KCTD7: variants seen among roughly 807,000 people sequenced by gnomAD.
KCTD7 encodes the protein BTB/POZ domain-containing protein KCTD7.
Under a neutral mutation model 27.0 loss-of-function variants are expected in KCTD7, and 15 were observed. That is an observed-to-expected ratio of 0.56 (90% CI 0.37 to 0.86). The LOEUF is 0.86. KCTD7 is among the 40% of genes least tolerant of loss of function. The probability of loss-of-function intolerance (pLI) is 0.00; values close to 1 mark genes in which losing one functional copy is unlikely to be tolerated. For missense variants in KCTD7, 299 were observed against 398.9 expected (o/e 0.75, Z 2.13); for synonymous variants, 159 against 162.7 (o/e 0.98, Z 0.17).
chr7:66,630,425 A>G (rs1332305466), intron 1 of KCTD7, among the ~76,000 whole-genome samples: 6 of 152,182 alleles, frequency 3.9e-5, no homozygotes, highest in Admixed American at 1.3e-4. Flanking sequence ...CATCTCTACA[A>G]ATAAAAAATA....
intron 1 of KCTD7, among the ~76,000 whole-genome samples, chr7:66,632,488 CAAAAA>C (rs79868578): frequency 1.9e-5 from 1 of 52,612 alleles, no homozygotes. Flanking sequence ...GACTCCGTCT[CAAAAA>C]AAAAAAAAAA....
In KCTD7 at chr7:66,633,457, C is replaced by T. The variant is rs1786503027; in HGVS notation, c.314+13C>T. On this transcript the variant is annotated intron_variant, in intron 2 of 3. Transcript: ENST00000639828. ...GCACACACTTTGGGTATGTCTCTCCCTCTACAATCAACTTTGTAGTCCTAG... is the reference window on the plus strand; with the variant it reads ...GCACACACTTTGGGTATGTCTCTCCTTCTACAATCAACTTTGTAGTCCTAG... 1 of 1,613,840 alleles carries T rather than the reference C, an allele frequency of 6.2e-7. No individual in the cohort carries two copies.
rs527358165 is a variant in KCTD7, at chr7:66,632,304, G to A, written c.145-971G>A. 6.7e-4 allele frequency among the ~76,000 whole-genome samples: 101 copies of A among 150,492 alleles called. 1 individual carries two copies. Among genetic ancestry groups the A allele is most frequent in the Middle Eastern group, 3.4e-3 (1 of 292 alleles). On this transcript the variant is annotated intron_variant, in intron 1 of 3. Transcript: ENST00000639828. The stretch of plus-strand genomic sequence containing the variant: ...AGATCGAGACAATCCTGGCTAACAC[G>A]GTGAAACCCTATCTCTACTAAAAAT...
rs930526100 is a variant in KCTD7, at chr7:66,633,259, G to C, written c.145-16G>C. ...TCCCCGTTGCCTGCCTGAGAGCCCT[G>C]GTGATTTCTTTCCAGTTTCCTGAGG... is the stretch of plus-strand genomic sequence containing the variant. On this transcript the variant is annotated splice_polypyrimidine_tract_variant and intron_variant, in intron 1 of 3. Coordinates refer to ENST00000639828, the MANE Select transcript of KCTD7 (RefSeq NM_153033.5). 2.5e-6 allele frequency: 4 copies of C among 1,613,546 alleles called. No homozygotes were observed. In the Admixed American group the frequency reaches 5.0e-5, roughly 20 times the overall value.
At chr7:66,633,186 C>A in intron 1 of KCTD7, 89 bp from the exon 2 acceptor site, 1 of 1,343,872 alleles carries the variant, frequency 7.4e-7, no homozygotes, top group Non-Finnish European at 1.1e-6. Context: ...AATGGTGTGG[C>A]ACCAATCAGA....
chr7:66,636,366 C>T (rs1443423298), intron 2 of KCTD7, among the ~76,000 whole-genome samples: 1 of 151,930 alleles, frequency 6.6e-6, no homozygotes, highest in Non-Finnish European at 1.5e-5. Flanking sequence ...CAAGCATGTT[C>T]CTGAACCTGT....
At chr7:66,643,171 A>G, downstream of KCTD7, 1 of 985,222 alleles carries the variant, frequency 1.0e-6, no homozygotes, top group Non-Finnish European at 1.2e-6. Flanking sequence ...CCCACACAAC[A>G]AGACAGGCTT....
rs749010969 is a variant in KCTD7, at chr7:66,633,388, C to T, written c.258C>T (p.Tyr86=). 5 of 1,614,028 alleles carry T rather than the reference C, an allele frequency of 3.1e-6. No individual in the cohort carries two copies. The highest frequency in any genetic ancestry group is 2.2e-5 in the South Asian group (2 of 91,082). The change falls in exon 2 of 4, where the codon TAC becomes TAT. Residue 86 remains tyrosine (Y), a synonymous_variant. Transcript: ENST00000639828. ...MLAAMFSGRH[Y]IPTDSEGRYF... is the part of the protein sequence containing the mutation. ...CAGCCATGTTCAGTGGGCGGCACTA[C>T]ATCCCCACGGACTCCGAGGGCCGGT...
intron 3 of KCTD7, 101 bp from the exon 4 acceptor site, chr7:66,638,755 C>G: frequency 7.0e-7 from 1 of 1,435,562 alleles, no homozygotes; most frequent in Non-Finnish European, 9.6e-7. Flanking sequence ...CTGTCTTTCC[C>G]CTCCTGCATC....
Position 66,639,155 on chromosome 7 carries a change from G to A in KCTD7, c.793G>A (p.Gly265Arg), listed in dbSNP as rs200415747. ...TCTCACCGTGGACCACCAGTGCATCGGGGTGTGTGACAAGCACCTCGTGAA... is the reference window on the plus strand; with the variant it reads ...TCTCACCGTGGACCACCAGTGCATCAGGGTGTGTGACAAGCACCTCGTGAA... Reference protein sequence around the residue: ...QGLTVDHQCIGVCDKHLVNHY... With the variant: ...QGLTVDHQCIRVCDKHLVNHY... Residue 265 changes from glycine to arginine, a missense_variant, in exon 4 of 4, where the codon GGG (glycine) becomes AGG (arginine). Coordinates refer to ENST00000639828, the MANE Select transcript of KCTD7 (RefSeq NM_153033.5). The A allele has an allele frequency of 3.7e-6, 6 of 1,614,090 alleles. No homozygotes were observed. Among genetic ancestry groups the A allele is most frequent in the Non-Finnish European group, 5.1e-6 (6 of 1,180,030 alleles).
At chr7:66,629,484 T>C (rs549329614) in intron 1 of KCTD7, among the ~76,000 whole-genome samples, 2 of 149,318 alleles carry the variant, frequency 1.3e-5, no homozygotes, top group Admixed American at 1.3e-4. Context: ...CATCGCCATG[T>C]CCCACTTTTA....
chr7:66,638,822 A>G (rs2116774913), intron 3 of KCTD7, 34 bp from the exon 4 acceptor site: 7 of 1,612,896 alleles, frequency 4.3e-6, no homozygotes, highest in Non-Finnish European at 5.9e-6. Flanking sequence ...CTGCCTCTTC[A>G]CCCTAGTGAT....
rs777567549 is a variant in KCTD7 at position 66,629,017 on chromosome 7, G to A, written c.-48G>A. On this transcript the variant is annotated 5_prime_UTR_variant, in exon 1 of 4. Coordinates refer to ENST00000639828, the MANE Select transcript of KCTD7 (RefSeq NM_153033.5). ...TCGGCGGTAGGGAGTGCCCGGGGCC[G>A]CCGCCTCCGCCCGCCCGAAGCCGCG... is the stretch of plus-strand genomic sequence containing the variant. The A allele has an allele frequency of 2.7e-6, 4 of 1,474,058 alleles. No homozygotes were observed. Among genetic ancestry groups the A allele is most frequent in the South Asian group, 2.6e-5 (2 of 77,912 alleles). 91.3% of individuals were successfully genotyped at this position (1,474,058 alleles called of 1,614,324 possible).
At chr7:66,632,604 A>G (rs1786477943) in intron 1 of KCTD7, among the ~76,000 whole-genome samples, 1 of 152,104 alleles carries the variant, frequency 6.6e-6, no homozygotes. Context: ...ATATAGACAG[A>G]AGAAGGAGAC....
chr7:66,636,656 C>A (rs1248533314), intron 2 of KCTD7, among the ~76,000 whole-genome samples: 2 of 151,958 alleles, frequency 1.3e-5, no homozygotes, highest in Admixed American at 6.6e-5. Context: ...ACCTATGGTC[C>A]CAGTTATTCG....
chr7:66,639,853 A>C lies in KCTD7; in HGVS notation c.*621A>C, dbSNP rs1786673416. ...TTCACCACCTTTTGGAGATTTAACC[A>C]TAGCTGCCAAAGCTATGCACCCAGT... On this transcript the variant is annotated 3_prime_UTR_variant, in exon 4 of 4. Transcript: ENST00000639828. 1 of 1,247,568 alleles carries C rather than the reference A, an allele frequency of 8.0e-7. No homozygotes were observed. The highest frequency in any genetic ancestry group is 3.8e-5 in the Admixed American group (1 of 26,332). 77.3% of individuals were successfully genotyped at this position (1,247,568 alleles called of 1,614,324 possible).
At position 66,638,403 on chromosome 7, in the gene KCTD7, G is replaced by T. The variant is rs773209661; in HGVS notation, c.465G>T (p.Ala155=). ...QPLKGEKVRQ[A]FLGLMPYYKD... is the part of the protein sequence containing the mutation. ...TGAAGGGCGAGAAGGTGCGCCAAGCGTTTCTGGGACTCATGCCCTATTACA... is the reference window on the plus strand; with the variant it reads ...TGAAGGGCGAGAAGGTGCGCCAAGCTTTTCTGGGACTCATGCCCTATTACA... The change falls in exon 3 of 4, where the codon GCG becomes GCT. Residue 155 remains alanine, a synonymous_variant. Transcript: ENST00000639828. The T allele has an allele frequency of 1.2e-6, 2 of 1,614,212 alleles. No individual in the cohort carries two copies. The highest frequency in any genetic ancestry group is 1.7e-6 in the Non-Finnish European group (2 of 1,180,040).
chr7:66,630,375 G>A (rs1786418204), intron 1 of KCTD7, among the ~76,000 whole-genome samples: 1 of 152,218 alleles, frequency 6.6e-6, no homozygotes, highest in Non-Finnish European at 1.5e-5. Flanking sequence ...AGGATGGTTT[G>A]AGGCCAGGAG....
In KCTD7 at chr7:66,629,228, G is replaced by C. The variant is rs757910819; in HGVS notation, c.144+20G>C. The C allele has an allele frequency of 7.6e-7, 1 of 1,324,166 alleles. No homozygotes were observed. Among genetic ancestry groups the C allele is most frequent in the South Asian group, 2.0e-5 (1 of 49,098 alleles). The allele number at this position is 1,324,166 out of a possible 1,614,324, so 82.0% of individuals were successfully genotyped here. Reference sequence around the variant, plus strand: ...CAGGAGGTACCCGGGCGGGCGGCGGGCCGCGGGGCGTGGGGAGGGGCGCGG... The same window carrying C: ...CAGGAGGTACCCGGGCGGGCGGCGGCCCGCGGGGCGTGGGGAGGGGCGCGG... On this transcript the variant is annotated intron_variant, in intron 1 of 3. Coordinates refer to ENST00000639828, the MANE Select transcript of KCTD7 (RefSeq NM_153033.5).
Sources: allele counts gnomAD v4.1 joint callset (sites outside exome capture counted in the v4.1 genomes callset), GRCh38; gene constraint gnomAD v4.1.1; transcripts MANE v1.5; gene names NCBI Gene and HGNC (gene_info 2026-07-23, HGNC 2026-07-21).